ADCY8: variants seen among roughly 807,000 people sequenced by gnomAD.
The protein encoded by ADCY8 is adenylate cyclase type 8.
A neutral mutation model predicts 119.7 loss-of-function variants in ADCY8; 51 were observed. That is an observed-to-expected ratio of 0.43 (90% CI 0.34 to 0.54). The LOEUF (loss-of-function observed/expected upper bound fraction) is 0.54, where lower values mean the gene tolerates loss of function less well. ADCY8 is among the 20% of genes least tolerant of loss of function. The pLI is 0.03. For missense variants in ADCY8, 1,383 were observed against 1,598.8 expected (o/e 0.87, Z 2.30); for synonymous variants, 665 against 651.0 (o/e 1.02, Z -0.33).
chr8:130,960,504 T>C (rs1425037243), intron 2 of ADCY8, among the ~76,000 whole-genome samples: 1 of 152,070 alleles, frequency 6.6e-6, no homozygotes, highest in African/African-American at 2.4e-5. Flanking sequence ...GACCTTATGA[T>C]TTCAGCATGT....
At position 130,861,059 on chromosome 8, in the gene ADCY8, A is replaced by G. The variant is rs190603747; in HGVS notation, c.2210+6787T>C. Among the ~76,000 whole-genome samples the G allele has an allele frequency of 2.2e-3, 332 of 152,260 alleles. 1 individual carries two copies. The highest frequency in any genetic ancestry group is 2.8e-3 in the Non-Finnish European group (192 of 68,018). On this transcript the variant is annotated intron_variant, in intron 9 of 17. Transcript: ENST00000286355. Reference sequence around the variant, plus strand: ...ATTTTGGGGCTTTTCTTTCTGTTCTATTGAGCGATGTGTTTATTCTTTCTT... The same window carrying G: ...ATTTTGGGGCTTTTCTTTCTGTTCTGTTGAGCGATGTGTTTATTCTTTCTT...
intron 12 of ADCY8, among the ~76,000 whole-genome samples, chr8:130,824,195 C>A (rs1013785481): frequency 6.6e-6 from 1 of 152,154 alleles, no homozygotes; most frequent in African/African-American, 2.4e-5. Flanking sequence ...TTCTATGACA[C>A]TCATAATAAA....
intron 2 of ADCY8, among the ~76,000 whole-genome samples, chr8:130,969,344 T>C (rs1821856190): frequency 6.6e-6 from 1 of 152,194 alleles, no homozygotes; most frequent in Non-Finnish European, 1.5e-5. Context: ...AGAATTTGAA[T>C]TGCAGATTCT....
intron 15 of ADCY8, 112 bp downstream of exon 15, chr8:130,800,314 T>C: frequency 2.4e-6 from 3 of 1,226,790 alleles, no homozygotes; most frequent in Non-Finnish European, 3.5e-6. Context: ...TAATGCAGGC[T>C]GGAATTCCGT....
intron 3 of ADCY8, among the ~76,000 whole-genome samples, chr8:130,944,208 G>A (rs1483906787): frequency 6.6e-6 from 1 of 152,168 alleles, no homozygotes; most frequent in African/African-American, 2.4e-5. Flanking sequence ...GATGCAAGGA[G>A]ACTTGCCCAG....
intron 9 of ADCY8, among the ~76,000 whole-genome samples, chr8:130,864,201 T>A (rs1461115566): frequency 6.6e-6 from 1 of 152,314 alleles, no homozygotes; most frequent in South Asian, 2.1e-4. Flanking sequence ...TAAGGCAGTG[T>A]CCTTCCTTCT....
At chr8:130,898,336 C>G (rs1038892729) in intron 7 of ADCY8, among the ~76,000 whole-genome samples, 1 of 152,310 alleles carries the variant, frequency 6.6e-6, no homozygotes, top group Non-Finnish European at 1.5e-5. Context: ...CTCTCTACTC[C>G]TGTCAGTGTT....
At position 130,909,741 on chromosome 8, in the gene ADCY8, A is replaced by C. The variant is rs1001124000; in HGVS notation, c.1607T>G (p.Ile536Ser). 3 of 1,614,016 alleles carry C rather than the reference A, an allele frequency of 1.9e-6. No homozygotes were observed. In the African/African-American group the frequency reaches 4.0e-5, roughly 22 times the overall value. The change falls in exon 6 of 18, where the codon ATT becomes AGT. Residue 536 changes from isoleucine (I) to serine (S), a missense_variant. This residue lies in a region of ADCY8 where 928 missense variants were observed against 1,163.5 expected (regional missense o/e 0.80). Coordinates refer to ENST00000286355, the MANE Select transcript of ADCY8 (RefSeq NM_001115.3). ...TCCTCCAGATTCGAGTTTGTTTGCAATATCCACATCCCAAGACCAGACATC... is the reference window on the plus strand; with the variant it reads ...TCCTCCAGATTCGAGTTTGTTTGCACTATCCACATCCCAAGACCAGACATC... ...QFDVWSWDVDIANKLESGGIP... is the reference protein window; with the variant it reads ...QFDVWSWDVDSANKLESGGIP...
intron 7 of ADCY8, among the ~76,000 whole-genome samples, chr8:130,889,084 T>C (rs1407816941): frequency 6.6e-6 from 1 of 152,146 alleles, no homozygotes; most frequent in Non-Finnish European, 1.5e-5. Flanking sequence ...GAGTGATCTA[T>C]TTCGTTGTTA....
At chr8:131,003,863 G>A (rs1483995769) in intron 1 of ADCY8, among the ~76,000 whole-genome samples, 1 of 152,070 alleles carries the variant, frequency 6.6e-6, no homozygotes, top group Non-Finnish European at 1.5e-5. Flanking sequence ...AGAAGTGTGG[G>A]AGAAGAAGGA....
At chr8:130,960,518 A>T (rs1241638971) in intron 2 of ADCY8, among the ~76,000 whole-genome samples, 1 of 152,122 alleles carries the variant, frequency 6.6e-6, no homozygotes, top group Admixed American at 6.5e-5. Context: ...AGCATGTCTT[A>T]CTTTAGGTTG....
chr8:131,010,923 T>C, intron 1 of ADCY8, among the ~76,000 whole-genome samples: 1 of 152,252 alleles, frequency 6.6e-6, no homozygotes, highest in East Asian at 1.9e-4. Flanking sequence ...AAAGCATGAT[T>C]TTTACTCAGC....
intron 6 of ADCY8, among the ~76,000 whole-genome samples, chr8:130,906,544 A>G (rs1050107792): frequency 1.3e-5 from 2 of 152,146 alleles, no homozygotes; most frequent in Non-Finnish European, 2.9e-5. Context: ...ATGCACTTAA[A>G]TGTTTTGGTA....
At chr8:130,910,149 A>G (rs997423470) in intron 5 of ADCY8, among the ~76,000 whole-genome samples, 10 of 151,874 alleles carry the variant, frequency 6.6e-5, no homozygotes, top group African/African-American at 2.4e-4. Context: ...CTTCACTTTC[A>G]ATGTCACCCC....
intron 5 of ADCY8, among the ~76,000 whole-genome samples, chr8:130,921,218 G>A (rs184138322): frequency 5.1e-4 from 78 of 152,164 alleles, no homozygotes; most frequent in Non-Finnish European, 9.1e-4. Flanking sequence ...AGAGCTTTAT[G>A]TCCTTTCTTT....
At chr8:130,874,509 A>C (rs1818489235) in intron 8 of ADCY8, among the ~76,000 whole-genome samples, 1 of 152,160 alleles carries the variant, frequency 6.6e-6, no homozygotes, top group Non-Finnish European at 1.5e-5. Flanking sequence ...GTGAGTGTGC[A>C]GAATGTCTCA....
intron 1 of ADCY8, among the ~76,000 whole-genome samples, chr8:131,030,186 C>T (rs1823955789): frequency 6.6e-6 from 1 of 152,122 alleles, no homozygotes; most frequent in Non-Finnish European, 1.5e-5. Context: ...CAGGGCAGCT[C>T]TTCAGTTTTC....
intron 1 of ADCY8, among the ~76,000 whole-genome samples, chr8:130,999,445 A>T (rs1822876700): frequency 6.6e-6 from 1 of 152,150 alleles, no homozygotes; most frequent in Non-Finnish European, 1.5e-5. Context: ...AAGCACTCAC[A>T]GAGCCAGCTT....
At chr8:130,793,189 C>G (rs560593895) in intron 15 of ADCY8, among the ~76,000 whole-genome samples, 4 of 152,156 alleles carry the variant, frequency 2.6e-5, no homozygotes, top group Non-Finnish European at 4.4e-5. Context: ...GCCATGCCCC[C>G]CAAGCTGTTT....
Sources: allele counts gnomAD v4.1 joint callset (sites outside exome capture counted in the v4.1 genomes callset), GRCh38; gene constraint gnomAD v4.1.1; regional missense constraint gnomAD v4.1.1; transcripts MANE v1.5; gene names NCBI Gene and HGNC (gene_info 2026-07-23, HGNC 2026-07-21).